BACH2: variants seen among roughly 807,000 people sequenced by gnomAD.
BACH2 encodes the protein transcription regulator protein BACH2.
A neutral mutation model predicts 61.8 loss-of-function variants in BACH2; 5 were observed. That is an observed-to-expected ratio of 0.08 (90% CI 0.04 to 0.17). The LOEUF (loss-of-function observed/expected upper bound fraction) is 0.17, where lower values mean the gene tolerates loss of function less well. Ranked by LOEUF, BACH2 falls within the 10% of genes least tolerant of loss-of-function variation. The probability of loss-of-function intolerance (pLI) is 1.00; values close to 1 mark genes in which losing one functional copy is unlikely to be tolerated. For synonymous variants in BACH2, 446 were observed against 440.1 expected, an observed-to-expected ratio of 1.01 and a Z score of -0.17; for missense variants, 824 against 1,091.1, an observed-to-expected ratio of 0.76 and a Z score of 3.45.
At chr6:90,168,296 G>C (rs1767698231) in intron 4 of BACH2, among the ~76,000 whole-genome samples, 1 of 152,206 alleles carries the variant, frequency 6.6e-6, no homozygotes, top group African/African-American at 2.4e-5. Context: ...AGAGGATGCA[G>C]GGAGTCATGA....
chr6:90,296,311 A>T (rs1582579052), intron 1 of BACH2, among the ~76,000 whole-genome samples, 169 bp downstream of exon 1: 3 of 151,264 alleles, frequency 2.0e-5, no homozygotes, highest in East Asian at 2.0e-4. Context: ...AAAATGCCAT[A>T]AAAGCGGGCA....
At chr6:89,962,402 T>C (rs781199709) in intron 6 of BACH2, among the ~76,000 whole-genome samples, 10 of 152,234 alleles carry the variant, frequency 6.6e-5, no homozygotes, top group Non-Finnish European at 1.2e-4. Context: ...AATGAGCAGC[T>C]GTTGGTTCCC....
In BACH2 at chr6:89,938,210, C is replaced by T. The variant is rs777547219; in HGVS notation, c.1977G>A (p.Ala659=). 91 of 1,614,226 alleles carry T rather than the reference C, an allele frequency of 5.6e-5. 5 individuals are homozygous for T. The South Asian group carries it at 5.9e-4, about 11-fold the overall frequency. The change falls in exon 8 of 9, where the codon GCG becomes GCA. Residue 659 remains alanine, a synonymous_variant. Coordinates refer to ENST00000257749, the MANE Select transcript of BACH2 (RefSeq NM_021813.4). ...GTTTCCTTTTGCGGCAGCGCTGGGC[C>T]GCGATGCGGTTCTTGCTGCGCCGTC... ...DVRRRSKNRI[A]AQRCRKRKLD... is the part of the protein sequence containing the mutation.
chr6:90,245,193 T>C (rs1770591961), intron 3 of BACH2, among the ~76,000 whole-genome samples: 1 of 151,674 alleles, frequency 6.6e-6, no homozygotes, highest in Non-Finnish European at 1.5e-5. Context: ...AGTGAGATTC[T>C]GTCTTAAAAA....
intron 8 of BACH2, among the ~76,000 whole-genome samples, chr6:89,934,667 G>GA (rs200266780): frequency 4.6e-5 from 7 of 150,952 alleles, no homozygotes; most frequent in South Asian, 4.2e-4. Flanking sequence ...TCAAAAAAAA[G>GA]AAAAAAAAAT....
chr6:90,131,928 CAG>C (rs1784094131), intron 4 of BACH2, among the ~76,000 whole-genome samples: 6 of 152,196 alleles, frequency 3.9e-5, no homozygotes, highest in Admixed American at 3.3e-4. Flanking sequence ...TAAGTGGAAA[CAG>C]AGCTTCAGAG....
intron 4 of BACH2, among the ~76,000 whole-genome samples, chr6:90,109,938 T>C (rs969383566): frequency 6.6e-6 from 1 of 152,296 alleles, no homozygotes; most frequent in South Asian, 2.1e-4. Flanking sequence ...TTTAAAAAAA[T>C]AGAATTCATT....
intron 4 of BACH2, among the ~76,000 whole-genome samples, chr6:90,198,771 G>A (rs1381941304): frequency 6.6e-6 from 1 of 152,172 alleles, no homozygotes; most frequent in Non-Finnish European, 1.5e-5. Flanking sequence ...TTCAGCATAA[G>A]CCCTGGAACA....
rs182981341 is a variant in BACH2, at chr6:89,976,325, C to T, written c.244-24463G>A. Among the ~76,000 whole-genome samples, 181 of 152,352 alleles carry T rather than the reference C, an allele frequency of 1.2e-3. 2 individuals carry two copies. In the East Asian group the frequency reaches 0.024, roughly 20 times the overall value. On this transcript the variant is annotated intron_variant, in intron 6 of 8. Transcript: ENST00000257749. ...GGCACATTAGCCGCAGGCAAGCTCCCGCTTGCCTTCTATCCTATTATTACC... is the reference window on the plus strand; with the variant it reads ...GGCACATTAGCCGCAGGCAAGCTCCTGCTTGCCTTCTATCCTATTATTACC...
intron 4 of BACH2, among the ~76,000 whole-genome samples, chr6:90,113,710 T>C (rs906333873): frequency 1.3e-5 from 2 of 151,074 alleles, no homozygotes; most frequent in South Asian, 2.1e-4. Context: ...TATTGAGACA[T>C]GAAAATTCAA....
chr6:90,010,196 G>A (rs992502869), intron 5 of BACH2, among the ~76,000 whole-genome samples: 4 of 152,136 alleles, frequency 2.6e-5, no homozygotes, highest in Non-Finnish European at 5.9e-5. Context: ...AATAAAGATA[G>A]TAAACAAATC....
At chr6:90,042,870 A>T (rs1779602609) in intron 5 of BACH2, among the ~76,000 whole-genome samples, 1 of 152,208 alleles carries the variant, frequency 6.6e-6, no homozygotes, top group African/African-American at 2.4e-5. Flanking sequence ...AGATGTAGAA[A>T]GGCTTGTTGG....
intron 4 of BACH2, among the ~76,000 whole-genome samples, chr6:90,132,551 T>A (rs953419652): frequency 2.6e-5 from 4 of 152,222 alleles, no homozygotes; most frequent in African/African-American, 9.6e-5. Flanking sequence ...TCCTTTGATA[T>A]GTGCCCAGAG....
intron 4 of BACH2, among the ~76,000 whole-genome samples, chr6:90,156,192 T>TAA (rs200348771): frequency 1.3e-5 from 2 of 151,932 alleles, no homozygotes; most frequent in Middle Eastern, 3.4e-3. Flanking sequence ...TCGAGTGGTG[T>TAA]AAAAAAAACG....
chr6:89,951,013 C>T lies in BACH2; in HGVS notation c.1093G>A (p.Ala365Thr). ...TCAAAAGGGCAGGCTGGACTCCTGG[C>T]AAAGTGCTGCTGAGATGTACTGGGC... ...GLPSTSQQHFARSPACPFDKG... is the reference protein window; with the variant it reads ...GLPSTSQQHFTRSPACPFDKG... The change falls in exon 7 of 9, where the codon GCC (alanine) becomes ACC (threonine). Residue 365 changes from alanine to threonine, a missense_variant. Transcript: ENST00000257749. This position sits in a 1 kb window ranked among gnomAD's most constrained non-coding sequence, Gnocchi z 6.4. 1 of 1,593,132 alleles carries T rather than the reference C, an allele frequency of 6.3e-7. No individual in the cohort carries two copies. The highest frequency in any genetic ancestry group is 8.5e-7 in the Non-Finnish European group (1 of 1,170,314).
intron 1 of BACH2, among the ~76,000 whole-genome samples, chr6:90,293,674 T>C (rs1230289331): frequency 2.0e-5 from 3 of 152,226 alleles, no homozygotes; most frequent in Non-Finnish European, 4.4e-5. Context: ...TGGCTAGAGT[T>C]AATTGTCTCA....
chr6:90,184,685 T>C (rs1768289726), intron 4 of BACH2, among the ~76,000 whole-genome samples: 1 of 152,180 alleles, frequency 6.6e-6, no homozygotes, highest in South Asian at 2.1e-4. Context: ...GGCACACCCA[T>C]CCTCTAGGAG....
intron 2 of BACH2, among the ~76,000 whole-genome samples, chr6:90,259,302 G>A (rs1282167093): frequency 6.6e-6 from 1 of 152,088 alleles, no homozygotes; most frequent in Non-Finnish European, 1.5e-5. Flanking sequence ...TTTGTCAAAT[G>A]CTTTTTCTGT....
intron 4 of BACH2, among the ~76,000 whole-genome samples, chr6:90,114,674 G>A (rs544550928): frequency 6.6e-6 from 1 of 152,190 alleles, no homozygotes; most frequent in Non-Finnish European, 1.5e-5. Context: ...AGCTCAATCA[G>A]GCAAGAGAAA....
Sources: gnomAD v4.1 joint callset for allele counts (sites outside exome capture counted in the v4.1 genomes callset) on GRCh38, gnomAD v4.1.1 for gene constraint, Gnocchi (gnomAD v3.1) non-coding constraint, MANE v1.5 for transcripts, NCBI Gene and HGNC (gene_info 2026-07-23, HGNC 2026-07-21) for gene names.